The following CLRN1 variants were observed in gnomAD, a reference collection of about 807,000 sequenced individuals.
CLRN1 encodes clarin 1, also known as clarin-1.
A neutral mutation model predicts 18.7 loss-of-function variants in CLRN1; 15 were observed. The observed-to-expected ratio is 0.80, with a 90% CI of 0.54 to 1.23. CLRN1 has a LOEUF of 1.23. Ranked by LOEUF, CLRN1 falls within the 50% of genes most tolerant of loss-of-function variation. The pLI is 0.00. For synonymous variants in CLRN1, 104 were observed against 102.9 expected, an observed-to-expected ratio of 1.01 and a Z score of -0.07; for missense variants, 311 against 277.5, an observed-to-expected ratio of 1.12 and a Z score of -0.86.
chr3:150,934,308 C>T (rs1015833496), intron 2 of CLRN1, among the ~76,000 whole-genome samples: 4 of 152,098 alleles, frequency 2.6e-5, no homozygotes, highest in Admixed American at 6.6e-5. Flanking sequence ...ATACTAGGAG[C>T]GTCCTCTTTT....
intron 1 of CLRN1, among the ~76,000 whole-genome samples, chr3:150,943,364 C>G (rs536670001): frequency 6.6e-6 from 1 of 152,116 alleles, no homozygotes. Context: ...GCCCCACCAC[C>G]TATCCTCTGC....
intron 1 of CLRN1, among the ~76,000 whole-genome samples, chr3:150,950,372 G>A (rs1462828869): frequency 2.6e-5 from 4 of 152,160 alleles, no homozygotes; most frequent in Admixed American, 2.6e-4. Flanking sequence ...AGAGTAAGCA[G>A]ACAACCTACA....
In CLRN1 at chr3:150,929,428, A is replaced by G. The variant is rs935318229; in HGVS notation, c.434-1227T>C. On this transcript the variant is annotated intron_variant, in intron 2 of 2. Coordinates refer to ENST00000327047, the MANE Select transcript of CLRN1 (RefSeq NM_174878.3). Reference sequence around the variant, plus strand: ...TACTGTTATATCTCAGGCCACCACAATAGGGTTCCAGTTAATAGGAGACTT... The same window carrying G: ...TACTGTTATATCTCAGGCCACCACAGTAGGGTTCCAGTTAATAGGAGACTT... 9.9e-5 allele frequency among the ~76,000 whole-genome samples: 15 copies of G among 152,186 alleles called. 1 individual carries two copies. The highest frequency in any genetic ancestry group is 2.0e-4 in the Admixed American group (3 of 15,276).
chr3:150,969,311 A>ATTT (rs1715416631), intron 1 of CLRN1, among the ~76,000 whole-genome samples: 41 of 59,864 alleles, frequency 6.8e-4, no homozygotes, highest in African/African-American at 1.5e-3. Flanking sequence ...ATATATATAT[A>ATTT]TATTTTTTTT....
chr3:150,927,921 A>T lies in CLRN1; in HGVS notation c.*15T>A. The T allele has an allele frequency of 6.2e-7, 1 of 1,613,994 alleles. No individual in the cohort carries two copies. The highest frequency in any genetic ancestry group is 8.5e-7 in the Non-Finnish European group (1 of 1,179,960). On this transcript the variant is annotated 3_prime_UTR_variant, in exon 3 of 3. Transcript: ENST00000327047. ...CAAGTCTACTCCCTTGTAAAATTAT[A>T]GAAAGGTTTGCCTTTCAGTACATTA...
At chr3:150,946,704 C>CTTTTTTTTTTTTTTTT (rs34471891) in intron 1 of CLRN1, among the ~76,000 whole-genome samples, 1 of 110,712 alleles carries the variant, frequency 9.0e-6, no homozygotes, top group East Asian at 2.5e-4. Context: ...CAGACCATTT[C>CTTTTTTTTTTTTTTTT]TTTTTTTTTT....
At chr3:150,936,439 G>T (rs1211943779) in intron 2 of CLRN1, among the ~76,000 whole-genome samples, 1 of 152,072 alleles carries the variant, frequency 6.6e-6, no homozygotes, top group Non-Finnish European at 1.5e-5. Context: ...TTTTAGTGCT[G>T]AGCTCTTCTC....
chr3:150,972,526 C>A lies in CLRN1; in HGVS notation c.183G>T (p.Met61Ile), dbSNP rs140094683. ...GQELDKFMGE[M>I]QYGLFHGEGV... is the part of the protein sequence containing the mutation. ...CCTCTCCGTGGAAAAGCCCGTACTG[C>A]ATTTCACCCATAAACTTGTCCAGCT... The change falls in exon 1 of 3, where the codon ATG (methionine) becomes ATT (isoleucine). Residue 61 changes from methionine (M) to isoleucine (I), a missense_variant. Physicochemically the swap from Met to Ile is conservative, Grantham distance 10 (BLOSUM62 1). Transcript: ENST00000327047. 2 of 1,614,240 alleles carry A rather than the reference C, an allele frequency of 1.2e-6. No homozygotes were observed. The highest frequency in any genetic ancestry group is 1.7e-6 in the Non-Finnish European group (2 of 1,180,052).
intron 2 of CLRN1, among the ~76,000 whole-genome samples, chr3:150,938,091 G>A (rs952176593): frequency 2.0e-5 from 3 of 152,220 alleles, no homozygotes; most frequent in East Asian, 1.9e-4. Context: ...CACAAGGAGC[G>A]GGGAAGCTTA....
chr3:150,941,207 T>C (rs1195610345), intron 2 of CLRN1, among the ~76,000 whole-genome samples: 1 of 145,636 alleles, frequency 6.9e-6, no homozygotes. Flanking sequence ...CCCCCATATA[T>C]ACATATATGT....
intron 1 of CLRN1, among the ~76,000 whole-genome samples, chr3:150,971,151 G>A (rs547748521): frequency 3.7e-4 from 56 of 151,856 alleles, no homozygotes; most frequent in Non-Finnish European, 5.0e-4. Context: ...TTTCCTTTTC[G>A]GTTTTTTAAT....
chr3:150,944,558 A>G (rs1197675461), intron 1 of CLRN1, among the ~76,000 whole-genome samples: 1 of 18,528 alleles, frequency 5.4e-5, no homozygotes. Context: ...GACTTGTTTA[A>G]AAAAAAAAAA....
intron 2 of CLRN1, among the ~76,000 whole-genome samples, chr3:150,937,888 C>T (rs1359975198): frequency 6.6e-6 from 1 of 152,066 alleles, no homozygotes; most frequent in African/African-American, 2.4e-5. Flanking sequence ...TGGCATGCAC[C>T]ACATCGGGAG....
chr3:150,939,304 G>T (rs1713668756), intron 2 of CLRN1, among the ~76,000 whole-genome samples: 1 of 152,128 alleles, frequency 6.6e-6, no homozygotes, highest in African/African-American at 2.4e-5. Flanking sequence ...AACCCCTCAT[G>T]GTGTCCCAGT....
chr3:150,957,032 A>G (rs1318026752), intron 1 of CLRN1, among the ~76,000 whole-genome samples: 5 of 152,112 alleles, frequency 3.3e-5, no homozygotes, highest in Admixed American at 1.3e-4. Flanking sequence ...TGTGGTGTAT[A>G]CCCAACCTTC....
At chr3:150,970,634 A>G (rs1576650010) in intron 1 of CLRN1, among the ~76,000 whole-genome samples, 1 of 152,176 alleles carries the variant, frequency 6.6e-6, no homozygotes, top group African/African-American at 2.4e-5. Context: ...TTGTATATTG[A>G]TGGAGCTGTC....
In CLRN1 at chr3:150,943,692, G is replaced by T; in HGVS notation, c.254-1931C>A. 12 of 1,502,024 alleles carry T rather than the reference G, an allele frequency of 8.0e-6. No homozygotes were observed. The Middle Eastern group carries it at 2.2e-3, about 272-fold the overall frequency. The allele number at this position is 1,502,024 out of a possible 1,614,324, so 93.0% of individuals were successfully genotyped here. ...CTGGCCCTTTGCCCTCACAGGCAGA[G>T]GGCAGCCACCCTACATGATGAAGCA... On this transcript the variant is annotated intron_variant, in intron 1 of 2. Transcript: ENST00000327047.
At chr3:150,956,947 C>T (rs1023536994) in intron 1 of CLRN1, among the ~76,000 whole-genome samples, 1 of 152,186 alleles carries the variant, frequency 6.6e-6, no homozygotes, top group Non-Finnish European at 1.5e-5. Flanking sequence ...TCTCTCATTT[C>T]ACAGAGAAAG....
chr3:150,941,791 G>T, intron 1 of CLRN1, 30 bp from the exon 2 acceptor site: 2 of 1,600,530 alleles, frequency 1.2e-6, no homozygotes, highest in East Asian at 4.5e-5. Flanking sequence ...AGGGTTAGAA[G>T]AAGTTTCATT....
Sources: gnomAD v4.1 joint callset for allele counts (sites outside exome capture counted in the v4.1 genomes callset) on GRCh38, gnomAD v4.1.1 for gene constraint, MANE v1.5 for transcripts, NCBI Gene and HGNC (gene_info 2026-07-23, HGNC 2026-07-21) for gene names.